The following DLGAP2 variants were observed in gnomAD, a reference collection of about 807,000 sequenced individuals.
The protein encoded by DLGAP2 is DLG associated protein 2, also known as disks large-associated protein 2.
In DLGAP2, 26 loss-of-function variants were observed where a neutral mutation model predicts 100.3. The ratio of observed to expected loss-of-function variants is 0.26; its 90% CI spans 0.19 to 0.36. The LOEUF (loss-of-function observed/expected upper bound fraction) is 0.36, where lower values mean the gene tolerates loss of function less well. DLGAP2 is among the 10% of genes least tolerant of loss of function. The probability of loss-of-function intolerance (pLI) is 1.00; values close to 1 mark genes in which losing one functional copy is unlikely to be tolerated. For synonymous variants in DLGAP2, 886 were observed against 630.1 expected, an observed-to-expected ratio of 1.41 and a Z score of -6.08; for missense variants, 1,858 against 1,453.2, an observed-to-expected ratio of 1.28 and a Z score of -4.53.
At chr8:1,401,093 C>T (rs375685445) in intron 3 of DLGAP2, among the ~76,000 whole-genome samples, 1 of 318 alleles carries the variant, frequency 3.1e-3, no homozygotes, top group Non-Finnish European at 4.5e-3. Context: ...GCTCCCTCCT[C>T]GTCCTCCAGA....
chr8:1,515,798 C>T (rs1419422135), intron 4 of DLGAP2, among the ~76,000 whole-genome samples: 1 of 152,226 alleles, frequency 6.6e-6, no homozygotes, highest in Admixed American at 6.5e-5. Context: ...GACCTGTCTG[C>T]CCCTCCAGTC....
intron 2 of DLGAP2, among the ~76,000 whole-genome samples, chr8:1,067,962 C>T (rs1452523597): frequency 6.6e-6 from 1 of 152,138 alleles, no homozygotes; most frequent in Non-Finnish European, 1.5e-5. Context: ...CCCACTCCTC[C>T]CTCCCTCCTC....
rs74497347 is a variant in DLGAP2 at position 1,418,927 on chromosome 8, C to T, written c.107-82439C>T. Among the ~76,000 whole-genome samples, 190 of 152,308 alleles carry T rather than the reference C, an allele frequency of 1.2e-3. 2 individuals carry two copies. In the East Asian group the frequency reaches 0.033, roughly 26 times the overall value. Reference sequence around the variant, plus strand: ...AGTTCAGTGATTTGCTTGAATGGCTCACAGAACTCGGGGAAACACTTTACT... The same window carrying T: ...AGTTCAGTGATTTGCTTGAATGGCTTACAGAACTCGGGGAAACACTTTACT... On this transcript the variant is annotated intron_variant, in intron 3 of 14. Transcript: ENST00000637795.
At chr8:1,593,891 C>A (rs1037399690) in intron 6 of DLGAP2, among the ~76,000 whole-genome samples, 2 of 152,166 alleles carry the variant, frequency 1.3e-5, no homozygotes, top group African/African-American at 4.8e-5. Context: ...TCCATGCATC[C>A]CACACCTCAG....
intron 2 of DLGAP2, among the ~76,000 whole-genome samples, chr8:1,042,639 G>A (rs1204619709): frequency 6.6e-6 from 1 of 152,200 alleles, no homozygotes; most frequent in Non-Finnish European, 1.5e-5. Flanking sequence ...TCCACCCTGG[G>A]AGCTCCATCC....
At chr8:1,187,751 T>TG (rs1797541890) in intron 2 of DLGAP2, among the ~76,000 whole-genome samples, 1 of 143,012 alleles carries the variant, frequency 7.0e-6, no homozygotes. Context: ...CCGTGACGTT[T>TG]CCCTCACGGA....
chr8:1,193,955 C>G (rs981432199), intron 2 of DLGAP2, among the ~76,000 whole-genome samples: 3 of 152,166 alleles, frequency 2.0e-5, no homozygotes, highest in East Asian at 1.9e-4. Context: ...AAGGTCTTTG[C>G]TGAGAGCTTG....
intron 3 of DLGAP2, among the ~76,000 whole-genome samples, chr8:1,289,180 C>G (rs879543972): frequency 6.6e-6 from 1 of 152,100 alleles, no homozygotes; most frequent in Non-Finnish European, 1.5e-5. Flanking sequence ...GTGTTTATGT[C>G]CTAGTAACCA....
chr8:1,027,528 G>T (rs1157112485), intron 2 of DLGAP2, among the ~76,000 whole-genome samples: 1 of 150,018 alleles, frequency 6.7e-6, no homozygotes, highest in Admixed American at 6.6e-5. Context: ...CCCAGGTAGG[G>T]TGCTCGGTGC....
At chr8:1,224,233 T>G (rs1329791207) in intron 2 of DLGAP2, among the ~76,000 whole-genome samples, 1 of 152,140 alleles carries the variant, frequency 6.6e-6, no homozygotes, top group Non-Finnish European at 1.5e-5. Context: ...CGTGGCACAT[T>G]TAATGTGGGT....
Position 955,726 on chromosome 8 carries a change from C to A in DLGAP2, c.73+47760C>A, listed in dbSNP as rs373628490. 2.7e-4 allele frequency among the ~76,000 whole-genome samples: 41 copies of A among 152,298 alleles called. No individual in the cohort carries two copies. In the South Asian group the frequency reaches 7.7e-3, roughly 28 times the overall value. Reference sequence around the variant, plus strand: ...ATCCCAACTTCCTCAAAAAGTCTTACATGAATTTTAAATAGGATTGCATTG... The same window carrying A: ...ATCCCAACTTCCTCAAAAAGTCTTAAATGAATTTTAAATAGGATTGCATTG... On this transcript the variant is annotated intron_variant, in intron 2 of 14. Coordinates refer to ENST00000637795, the MANE Select transcript of DLGAP2 (RefSeq NM_001346810.2).
At chr8:1,249,862 A>T (rs1429378753) in intron 2 of DLGAP2, among the ~76,000 whole-genome samples, 1 of 152,028 alleles carries the variant, frequency 6.6e-6, no homozygotes, top group Non-Finnish European at 1.5e-5. Flanking sequence ...TTCCTTAGAG[A>T]TTTTAATAAG....
At chr8:986,787 G>A (rs1800500095) in intron 2 of DLGAP2, among the ~76,000 whole-genome samples, 1 of 151,750 alleles carries the variant, frequency 6.6e-6, no homozygotes, top group Admixed American at 6.6e-5. Context: ...AGCTTCCCAA[G>A]TAGCCAGGAT....
At chr8:1,655,115 C>G (rs910771592) in intron 8 of DLGAP2, among the ~76,000 whole-genome samples, 1 of 152,196 alleles carries the variant, frequency 6.6e-6, no homozygotes, top group Non-Finnish European at 1.5e-5. Flanking sequence ...TTGCTGCTAG[C>G]CTATCAACGT....
chr8:1,604,361 CAGTG>C (rs1796725638), intron 6 of DLGAP2, among the ~76,000 whole-genome samples: 10 of 152,142 alleles, frequency 6.6e-5, no homozygotes, highest in African/African-American at 2.4e-4. Flanking sequence ...AACAGTACCT[CAGTG>C]GGGCATCCTA....
At chr8:879,441 A>G (rs1407386640) in intron 1 of DLGAP2, among the ~76,000 whole-genome samples, 1 of 152,210 alleles carries the variant, frequency 6.6e-6, no homozygotes, top group Non-Finnish European at 1.5e-5. Flanking sequence ...CACTTTCCCC[A>G]GGTGGGGGTG....
At chr8:1,466,532 T>A (rs1199338649) in intron 3 of DLGAP2, among the ~76,000 whole-genome samples, 1 of 149,192 alleles carries the variant, frequency 6.7e-6, no homozygotes, top group Non-Finnish European at 1.5e-5. Context: ...TTTGTGTGTG[T>A]GTGTGTGTGT....
rs993565828 is a variant in DLGAP2, at chr8:814,768, G to C, written c.18+76943G>C. ...CTCGGGAGGCTGAGGCGGGAGGATG[G>C]TGTGAACCTAGGAGGTGGAGCTGCA... On this transcript the variant is annotated intron_variant, in intron 1 of 14. Transcript: ENST00000637795. 2.7e-5 allele frequency among the ~76,000 whole-genome samples: 4 copies of C among 147,410 alleles called. No individual in the cohort carries two copies. In the South Asian group the frequency reaches 8.6e-4, roughly 32 times the overall value.
intron 3 of DLGAP2, among the ~76,000 whole-genome samples, chr8:1,460,066 T>C (rs1269200827): frequency 6.6e-6 from 1 of 152,216 alleles, no homozygotes; most frequent in African/African-American, 2.4e-5. Context: ...ACCCATCCCA[T>C]GTCAAGAACA....
Sources: gnomAD v4.1 joint callset for allele counts (sites outside exome capture counted in the v4.1 genomes callset) on GRCh38, gnomAD v4.1.1 for gene constraint, MANE v1.5 for transcripts, NCBI Gene and HGNC (gene_info 2026-07-23, HGNC 2026-07-21) for gene names.